VWC2L: variants seen among roughly 807,000 people sequenced by gnomAD.
VWC2L encodes the protein von Willebrand factor C domain containing 2 like, also known as von Willebrand factor C domain-containing protein 2-like.
Under a neutral mutation model 21.6 loss-of-function variants are expected in VWC2L, and 10 were observed. The observed-to-expected ratio is 0.46, with a 90% CI of 0.29 to 0.78. VWC2L has a LOEUF of 0.78. VWC2L is among the 30% of genes least tolerant of loss of function. The pLI is 0.10. For missense variants in VWC2L, 209 were observed against 277.1 expected, an observed-to-expected ratio of 0.75 and a Z score of 1.74; for synonymous variants, 96 against 94.3, an observed-to-expected ratio of 1.02 and a Z score of -0.10.
intron 3 of VWC2L, among the ~76,000 whole-genome samples, chr2:214,560,990 T>G (rs1008645753): frequency 6.6e-6 from 1 of 152,250 alleles, no homozygotes; most frequent in African/African-American, 2.4e-5. Context: ...GCTCCATATA[T>G]TTTGAAACTT....
intron 3 of VWC2L, among the ~76,000 whole-genome samples, chr2:214,494,256 C>A (rs2126202389): frequency 6.6e-6 from 1 of 152,192 alleles, no homozygotes; most frequent in East Asian, 1.9e-4. Flanking sequence ...TTATCCAGTC[C>A]TAGGCATAAT....
intron 3 of VWC2L, among the ~76,000 whole-genome samples, chr2:214,444,786 T>C (rs1702814942): frequency 1.3e-5 from 2 of 151,988 alleles, no homozygotes; most frequent in African/African-American, 4.8e-5. Context: ...GAAAGATGTA[T>C]TGGTCTAGAA....
chr2:214,542,899 G>A (rs1056917938), intron 3 of VWC2L, among the ~76,000 whole-genome samples: 3 of 152,134 alleles, frequency 2.0e-5, no homozygotes, highest in African/African-American at 7.2e-5. Context: ...ATTCATTCAA[G>A]CAAATATTTA....
At chr2:214,537,034 C>G (rs1689544147) in intron 3 of VWC2L, 1 of 151,256 alleles carries the variant, frequency 6.6e-6, no homozygotes, top group African/African-American at 2.4e-5. Flanking sequence ...TTCTATTCAT[C>G]CTTTTAATTA....
At chr2:214,520,058 T>TACACACATACACAC (rs1553598685) in intron 3 of VWC2L, among the ~76,000 whole-genome samples, 1 of 143,152 alleles carries the variant, frequency 7.0e-6, no homozygotes, top group Non-Finnish European at 1.5e-5. Context: ...GCTCCTGTTA[T>TACACACATACACAC]ACACACACAC....
chr2:214,562,245 T>C (rs951621154), intron 3 of VWC2L, among the ~76,000 whole-genome samples: 3 of 152,176 alleles, frequency 2.0e-5, no homozygotes. Context: ...CATGCAGTGT[T>C]TGGTTTTCTG....
At chr2:214,434,232 A>G (rs1574562526) in intron 2 of VWC2L, among the ~76,000 whole-genome samples, 1 of 152,098 alleles carries the variant, frequency 6.6e-6, no homozygotes, top group South Asian at 2.1e-4. Context: ...TCAGTTTCCA[A>G]TGCTTTATTG....
chr2:214,523,484 T>C (rs1689277256), intron 3 of VWC2L, among the ~76,000 whole-genome samples: 1 of 152,196 alleles, frequency 6.6e-6, no homozygotes, highest in Admixed American at 6.5e-5. Flanking sequence ...AAACAGATTT[T>C]TTTCTAAGAT....
intron 3 of VWC2L, among the ~76,000 whole-genome samples, chr2:214,502,687 G>C (rs1413285508): frequency 6.6e-6 from 1 of 152,172 alleles, no homozygotes; most frequent in Non-Finnish European, 1.5e-5. Context: ...TTGTTTTTAT[G>C]CTTTTCTATC....
At chr2:214,491,494 CT>C (rs1688744964) in intron 3 of VWC2L, among the ~76,000 whole-genome samples, 2 of 152,158 alleles carry the variant, frequency 1.3e-5, no homozygotes, top group Non-Finnish European at 2.9e-5. Context: ...AGGAATAGCT[CT>C]GCTTATCTCA....
At chr2:214,534,644 T>C (rs1276652709) in intron 3 of VWC2L, among the ~76,000 whole-genome samples, 1 of 152,078 alleles carries the variant, frequency 6.6e-6, no homozygotes. Flanking sequence ...AGAAATCTTA[T>C]TAAAGAAAAA....
At chr2:214,427,234 G>T (rs999496993) in intron 2 of VWC2L, among the ~76,000 whole-genome samples, 1 of 152,122 alleles carries the variant, frequency 6.6e-6, no homozygotes, top group Non-Finnish European at 1.5e-5. Context: ...ATTGTTCAGT[G>T]TAACTTTAAT....
chr2:214,435,707 T>C (rs759578313), intron 2 of VWC2L, among the ~76,000 whole-genome samples: 2 of 152,154 alleles, frequency 1.3e-5, no homozygotes, highest in Non-Finnish European at 2.9e-5. Flanking sequence ...ATGTGGACAT[T>C]GTATGACTTC....
At chr2:214,438,787 A>G (rs1179995608) in intron 3 of VWC2L, among the ~76,000 whole-genome samples, 3 of 152,056 alleles carry the variant, frequency 2.0e-5, no homozygotes, top group African/African-American at 2.4e-5. Flanking sequence ...CTCTTTTTAC[A>G]AAAGTGTATA....
intron 2 of VWC2L, among the ~76,000 whole-genome samples, chr2:214,416,329 T>A (rs967986456): frequency 6.6e-6 from 1 of 152,062 alleles, no homozygotes; most frequent in Non-Finnish European, 1.5e-5. Context: ...AAGTTAATAA[T>A]TTCTGTACCC....
At chr2:214,415,878 A>G (rs571877831) in intron 2 of VWC2L, among the ~76,000 whole-genome samples, 10 of 152,282 alleles carry the variant, frequency 6.6e-5, no homozygotes, top group African/African-American at 2.4e-4. Flanking sequence ...ATTAAGAAGT[A>G]AAAGCATGAG....
chr2:214,529,632 G>A (rs1689400816), intron 3 of VWC2L, among the ~76,000 whole-genome samples: 2 of 152,092 alleles, frequency 1.3e-5, no homozygotes, highest in South Asian at 4.1e-4. Context: ...GCCATTCCCA[G>A]GTCCAGGTTT....
intron 3 of VWC2L, among the ~76,000 whole-genome samples, chr2:214,570,276 T>G (rs1313188068): frequency 6.6e-6 from 1 of 152,250 alleles, no homozygotes; most frequent in Non-Finnish European, 1.5e-5. Context: ...AGATTTCTTT[T>G]GAATGATTCC....
intron 3 of VWC2L, among the ~76,000 whole-genome samples, chr2:214,440,524 C>A (rs1335301444): frequency 6.6e-6 from 1 of 151,916 alleles, no homozygotes; most frequent in Non-Finnish European, 1.5e-5. Flanking sequence ...TAATTTAGCA[C>A]AGCATCTGTT....
Sources: gnomAD v4.1 joint callset for allele counts (sites outside exome capture counted in the v4.1 genomes callset) on GRCh38, gnomAD v4.1.1 for gene constraint, MANE v1.5 for transcripts, NCBI Gene and HGNC (gene_info 2026-07-23, HGNC 2026-07-21) for gene names.